IFT140: variants seen among roughly 807,000 people sequenced by gnomAD.
IFT140 encodes intraflagellar transport protein 140 homolog.
IFT140 carries 133 observed loss-of-function variants against 164.6 expected under a neutral mutation model. The ratio of observed to expected loss-of-function variants is 0.81; its 90% CI spans 0.70 to 0.93. The LOEUF (loss-of-function observed/expected upper bound fraction) is 0.93, where lower values mean the gene tolerates loss of function less well. Among genes scored for constraint, IFT140 ranks in the 40% least tolerant of loss-of-function variants. IFT140 has a pLI of 0.00. For synonymous variants in IFT140, 860 were observed against 817.3 expected, an observed-to-expected ratio of 1.05 and a Z score of -0.89; for missense variants, 2,045 against 1,972.3, an observed-to-expected ratio of 1.04 and a Z score of -0.70.
At chr16:1,511,203 CCT>C in intron 30 of IFT140, 53 bp from the exon 31 acceptor site, 1 of 1,491,166 alleles carries the variant, frequency 6.7e-7, no homozygotes. Context: ...CAGGCACGAC[CCT>C]CTGCCTGCAG....
At chr16:1,521,845 A>AC (rs1309195686) in intron 26 of IFT140, among the ~76,000 whole-genome samples, 4 of 148,466 alleles carry the variant, frequency 2.7e-5, no homozygotes, top group Admixed American at 2.0e-4. Flanking sequence ...ACACAGTCAG[A>AC]CCCCCATCTC....
chr16:1,526,499 TCGG>T (rs980419167), intron 20 of IFT140, 117 bp downstream of exon 20: 2 of 1,112,632 alleles, frequency 1.8e-6, no homozygotes, highest in Non-Finnish European at 2.5e-6. Flanking sequence ...GTCATGCCTC[TCGG>T]CTCTGCCCAC....
At chr16:1,521,947 G>A (rs1453387023) in intron 26 of IFT140, among the ~76,000 whole-genome samples, 3 of 151,276 alleles carry the variant, frequency 2.0e-5, no homozygotes, top group South Asian at 2.1e-4. Flanking sequence ...ATATGGCTGA[G>A]CATGGTGGCT....
intron 19 of IFT140, chr16:1,534,004 T>A: frequency 2.0e-6 from 1 of 488,288 alleles, no homozygotes; most frequent in Non-Finnish European, 3.6e-6. Context: ...TGGCCCTGGG[T>A]TCTTGCTGCT....
intron 9 of IFT140, 94 bp downstream of exon 9, chr16:1,587,104 A>G: frequency 1.2e-6 from 1 of 803,946 alleles, no homozygotes; most frequent in Non-Finnish European, 2.2e-6. Context: ...CCATTGTGTG[A>G]GTAGCCTCCA....
At chr16:1,525,360 T>A (rs771803145) in intron 21 of IFT140, 34 bp from the exon 22 acceptor site, 6 of 1,538,500 alleles carry the variant, frequency 3.9e-6, no homozygotes, top group Non-Finnish European at 5.4e-6. Context: ...CCTCGTTCCC[T>A]CCCATCCCAG....
chr16:1,539,231 A>G (rs573864751), intron 19 of IFT140, among the ~76,000 whole-genome samples: 3,179 of 148,826 alleles, frequency 0.021, 114 homozygotes, highest in African/African-American at 0.074. Context: ...CCCAAGCCTC[A>G]GGACTCACCA....
chr16:1,543,188 G>A (rs943393116), intron 19 of IFT140, among the ~76,000 whole-genome samples: 3 of 152,248 alleles, frequency 2.0e-5, no homozygotes, highest in African/African-American at 7.2e-5. Context: ...GGAGCTGCCC[G>A]CACCCTCCTT....
At chr16:1,527,876 C>G (rs551310309) in intron 19 of IFT140, among the ~76,000 whole-genome samples, 1 of 152,340 alleles carries the variant, frequency 6.6e-6, no homozygotes, top group South Asian at 2.1e-4. Context: ...CCCAGCCCCC[C>G]GCCTCTCCAT....
intron 19 of IFT140, chr16:1,557,518 T>C (rs1372042565): frequency 6.1e-6 from 1 of 165,158 alleles, no homozygotes; most frequent in East Asian, 1.7e-4. Flanking sequence ...TTCTAGATTC[T>C]CTCAGGAATG....
chr16:1,545,671 GAGA>G (rs1410408860), intron 19 of IFT140, among the ~76,000 whole-genome samples: 1 of 152,230 alleles, frequency 6.6e-6, no homozygotes, highest in Non-Finnish European at 1.5e-5. Context: ...GCAGTGGGGA[GAGA>G]AGATGCTCAT....
Position 1,584,256 on chromosome 16 carries a change from C to G in IFT140, c.1320G>C (p.Leu440=). ...CFLSTGVAHS[L]RTDMHISGVF... is the part of the protein sequence containing the mutation. Reference sequence around the variant, plus strand: ...CTCCACTGATGTGCATGTCGGTGCGCAGGCTGTGTGCGACCCCCGTGGACA... The same window carrying G: ...CTCCACTGATGTGCATGTCGGTGCGGAGGCTGTGTGCGACCCCCGTGGACA... The change falls in exon 11 of 31, where the codon CTG becomes CTC. Residue 440 remains leucine, a synonymous_variant. Coordinates refer to ENST00000426508, the MANE Select transcript of IFT140 (RefSeq NM_014714.4). 3 of 1,613,780 alleles carry G rather than the reference C, an allele frequency of 1.9e-6. No homozygotes were observed. The highest frequency in any genetic ancestry group is 2.5e-6 in the Non-Finnish European group (3 of 1,179,984).
chr16:1,518,344 C>T lies in IFT140; in HGVS notation c.4054G>A (p.Asp1352Asn), dbSNP rs767730233. 1 of 1,613,930 alleles carries T rather than the reference C, an allele frequency of 6.2e-7. No individual in the cohort carries two copies. The highest frequency in any genetic ancestry group is 8.5e-7 in the Non-Finnish European group (1 of 1,179,962). The change falls in exon 30 of 31, where the codon GAC (aspartate) becomes AAC (asparagine). Residue 1352 changes from aspartate (D) to asparagine (N), a missense_variant. By Grantham distance (23) the Asp-to-Asn change is conservative. Coordinates refer to ENST00000426508, the MANE Select transcript of IFT140 (RefSeq NM_014714.4). ...CACTGCTTGATGGACTCCTTGGGGT[C>T]CTCTGTGTACGTCCTGCCGAGAGCA... ...FIQARRTYTE[D>N]PKESIKQCEL...
intron 14 of IFT140, 65 bp downstream of exon 14, chr16:1,571,342 C>A: frequency 6.7e-7 from 1 of 1,502,298 alleles, no homozygotes. Context: ...TCACTTTCTA[C>A]CCATCACACT....
At chr16:1,575,459 G>A (rs1348840111) in intron 13 of IFT140, among the ~76,000 whole-genome samples, 10 of 151,914 alleles carry the variant, frequency 6.6e-5, no homozygotes, top group Non-Finnish European at 1.2e-4. Context: ...AGGCTGAGGT[G>A]GGAGGATCGC....
chr16:1,593,899 A>C (rs2035319175), intron 4 of IFT140, among the ~76,000 whole-genome samples: 2 of 152,070 alleles, frequency 1.3e-5, no homozygotes, highest in Non-Finnish European at 2.9e-5. Flanking sequence ...GTACTTGAGG[A>C]GTGGGAGATA....
At chr16:1,567,655 G>A (rs1047337066) in intron 15 of IFT140, among the ~76,000 whole-genome samples, 3 of 152,218 alleles carry the variant, frequency 2.0e-5, no homozygotes, top group African/African-American at 7.2e-5. Context: ...GATCAGTCAC[G>A]GCCCTTGAAC....
chr16:1,602,773 C>T (rs1209844268), intron 3 of IFT140, among the ~76,000 whole-genome samples, 182 bp from the exon 4 acceptor site: 2 of 152,180 alleles, frequency 1.3e-5, no homozygotes, highest in Non-Finnish European at 2.9e-5. Context: ...AACTCCGTCT[C>T]TACTAAAAAT....
At chr16:1,570,848 G>T (rs540179324) in intron 14 of IFT140, among the ~76,000 whole-genome samples, 1 of 152,062 alleles carries the variant, frequency 6.6e-6, no homozygotes, top group African/African-American at 2.4e-5. Flanking sequence ...CTCGATCTCC[G>T]AGGCTCAAGC....
Sources: allele counts gnomAD v4.1 joint callset (sites outside exome capture counted in the v4.1 genomes callset), GRCh38; gene constraint gnomAD v4.1.1; transcripts MANE v1.5; gene names NCBI Gene and HGNC (gene_info 2026-07-23, HGNC 2026-07-21).